HACL1: variants seen among roughly 807,000 people sequenced by gnomAD.
HACL1 encodes 1600020H07Rik.
HACL1 carries 64 observed loss-of-function variants against 74.2 expected under a neutral mutation model. The ratio of observed to expected loss-of-function variants is 0.86; its 90% CI spans 0.70 to 1.06. The LOEUF (loss-of-function observed/expected upper bound fraction) is 1.06. HACL1 is among the 50% of genes least tolerant of loss of function. The pLI, the probability that HACL1 is intolerant of heterozygous loss-of-function variation, is 0.00. For synonymous variants in HACL1, 230 were observed against 238.8 expected (o/e 0.96, Z 0.34); for missense variants, 728 against 719.7 (o/e 1.01, Z -0.13).
chr3:15,586,546 A>G lies in HACL1; in HGVS notation c.438T>C (p.Ala146=), dbSNP rs371332638. The G allele has an allele frequency of 6.3e-7, 1 of 1,593,148 alleles. No homozygotes were observed. Among genetic ancestry groups the G allele is most frequent in the Non-Finnish European group, 8.6e-7 (1 of 1,162,212 alleles). ...GTACCTTTTCAATAACAAAAGGAATAGCTTCTATGCTGCTTGGGCGGGCAG... is the reference window on the plus strand; with the variant it reads ...GTACCTTTTCAATAACAAAAGGAATGGCTTCTATGCTGCTTGGGCGGGCAG... ...KFSARPSSIE[A]IPFVIEKAVR... Residue 146 remains alanine, a synonymous_variant, in exon 6 of 17, where the codon GCT becomes GCC. Transcript: ENST00000321169.
chr3:15,581,363 T>C (rs1388423756), intron 8 of HACL1, among the ~76,000 whole-genome samples: 1 of 152,230 alleles, frequency 6.6e-6, no homozygotes, highest in Non-Finnish European at 1.5e-5. Flanking sequence ...GCTAGTATAT[T>C]ATTCCATATT....
At chr3:15,561,160 G>C (rs2063340829) in intron 16 of HACL1, among the ~76,000 whole-genome samples, 1 of 152,196 alleles carries the variant, frequency 6.6e-6, no homozygotes, top group African/African-American at 2.4e-5. Flanking sequence ...TAGTCTAAAA[G>C]AACCAGAAGT....
chr3:15,599,242 T>C (rs2064130297), intron 2 of HACL1, among the ~76,000 whole-genome samples: 1 of 152,244 alleles, frequency 6.6e-6, no homozygotes, highest in South Asian at 2.1e-4. Context: ...TTCATCTCTG[T>C]ATCCAGCACC....
At chr3:15,592,165 T>C (rs186812790) in intron 3 of HACL1, among the ~76,000 whole-genome samples, 1 of 150,024 alleles carries the variant, frequency 6.7e-6, no homozygotes, top group Admixed American at 6.6e-5. Context: ...TATATACGTA[T>C]ACATGCATGT....
At chr3:15,571,791 A>G in intron 11 of HACL1, 22 bp from the exon 12 acceptor site, 1 of 723,816 alleles carries the variant, frequency 1.4e-6, no homozygotes, top group East Asian at 2.9e-5. Flanking sequence ...AAAAACACAC[A>G]CACACAAACA....
intron 10 of HACL1, 86 bp downstream of exon 10, chr3:15,574,891 C>A: frequency 1.7e-6 from 1 of 581,622 alleles, no homozygotes; most frequent in South Asian, 3.0e-5. Context: ...TAATAGTAAT[C>A]AAGAAGATAA....
intron 10 of HACL1, among the ~76,000 whole-genome samples, chr3:15,574,082 C>T (rs2063580835): frequency 6.6e-6 from 1 of 152,174 alleles, no homozygotes; most frequent in Admixed American, 6.5e-5. Context: ...AAACATCAAG[C>T]AACCCAAGCA....
chr3:15,574,877 T>A, intron 10 of HACL1, 100 bp downstream of exon 10: 1 of 536,452 alleles, frequency 1.9e-6, no homozygotes, highest in East Asian at 2.9e-5. Context: ...GAGAACAGTT[T>A]TTTTAATAGT....
intron 12 of HACL1, among the ~76,000 whole-genome samples, chr3:15,569,298 G>A (rs989552121): frequency 6.6e-6 from 1 of 152,166 alleles, no homozygotes; most frequent in Non-Finnish European, 1.5e-5. Context: ...CTATACTCCT[G>A]CACTAAAGAA....
intron 3 of HACL1, among the ~76,000 whole-genome samples, chr3:15,595,242 A>G (rs369056935): frequency 6.6e-6 from 1 of 152,242 alleles, no homozygotes; most frequent in African/African-American, 2.4e-5. Flanking sequence ...CTAAATGAAA[A>G]GATTAAAATA....
At chr3:15,563,771 C>T (rs563217410) in intron 15 of HACL1, among the ~76,000 whole-genome samples, 1 of 152,232 alleles carries the variant, frequency 6.6e-6, no homozygotes, top group Admixed American at 6.5e-5. Context: ...TGTTTTAAAC[C>T]TGTGCCATCC....
chr3:15,600,812 G>C (rs1379632998), intron 2 of HACL1: 1 of 532,182 alleles, frequency 1.9e-6, no homozygotes, highest in Non-Finnish European at 3.4e-6. Context: ...ATGACATACA[G>C]TATAGTAGTA....
chr3:15,570,504 A>G (rs1249358279), intron 12 of HACL1, among the ~76,000 whole-genome samples: 2 of 151,566 alleles, frequency 1.3e-5, no homozygotes, highest in African/African-American at 4.8e-5. Context: ...TTCCACCAGT[A>G]AGAAACACTG....
intron 2 of HACL1, 95 bp from the exon 3 acceptor site, chr3:15,596,519 T>G: frequency 1.4e-6 from 1 of 718,988 alleles, no homozygotes; most frequent in South Asian, 1.7e-5. Flanking sequence ...AAGAACATAG[T>G]GGTAAAGGCA....
intron 3 of HACL1, among the ~76,000 whole-genome samples, chr3:15,594,088 C>G (rs74664903): frequency 2.0e-5 from 3 of 152,092 alleles, no homozygotes; most frequent in Admixed American, 2.0e-4. Context: ...CATGAGCCAC[C>G]GCGCCTGGTC....
rs773273594 is a variant in HACL1, at chr3:15,568,484, T to C, written c.1198A>G (p.Asn400Asp). The change falls in exon 13 of 17, where the codon AAT becomes GAT. Residue 400 changes from asparagine to aspartate, a missense_variant. Asn to Asp is a conservative substitution (Grantham distance 23). Coordinates refer to ENST00000321169, the MANE Select transcript of HACL1 (RefSeq NM_012260.4). Reference protein sequence around the residue: ...RDCFVVSEGANTMDIGRTVLQ... With the variant: ...RDCFVVSEGADTMDIGRTVLQ... ...ACAGTCCGTCCAATGTCCATAGTAT[T>C]TGCTCCTTCACTTACCACGAAACAG... 1 of 1,606,530 alleles carries C rather than the reference T, an allele frequency of 6.2e-7. No individual in the cohort carries two copies. The highest frequency in any genetic ancestry group is 8.5e-7 in the Non-Finnish European group (1 of 1,173,196).
At chr3:15,583,617 T>TAA (rs1032112842) in intron 7 of HACL1, among the ~76,000 whole-genome samples, 8 of 151,962 alleles carry the variant, frequency 5.3e-5, no homozygotes, top group African/African-American at 1.9e-4. Context: ...TCCATGCTTT[T>TAA]AAACACCTTA....
intron 3 of HACL1, among the ~76,000 whole-genome samples, chr3:15,593,347 G>A (rs575297776): frequency 7.9e-5 from 12 of 151,866 alleles, no homozygotes; most frequent in Middle Eastern, 3.4e-3. Flanking sequence ...CCAAGTAACC[G>A]GGACTACAGG....
intron 9 of HACL1, among the ~76,000 whole-genome samples, chr3:15,575,297 T>C (rs2063604599): frequency 1.3e-5 from 2 of 151,906 alleles, no homozygotes; most frequent in African/African-American, 4.8e-5. Flanking sequence ...TTAAAAAACA[T>C]TACCATAAGC....
Sources: gnomAD v4.1 joint callset for allele counts (sites outside exome capture counted in the v4.1 genomes callset) on GRCh38, gnomAD v4.1.1 for gene constraint, MANE v1.5 for transcripts, NCBI Gene and HGNC (gene_info 2026-07-23, HGNC 2026-07-21) for gene names.